GLIS3: variants seen among roughly 807,000 people sequenced by gnomAD.
GLIS3 encodes GLIS family zinc finger 3.
In GLIS3, 53 loss-of-function variants were observed where a neutral mutation model predicts 78.6. The observed-to-expected ratio is 0.67, with a 90% CI of 0.54 to 0.85. GLIS3 has a LOEUF of 0.85. Ranked by LOEUF, GLIS3 falls within the 40% of genes least tolerant of loss-of-function variation. GLIS3 has a pLI of 0.00. For synonymous variants in GLIS3, 684 were observed against 509.9 expected (o/e 1.34, Z -4.60); for missense variants, 1,703 against 1,231.1 (o/e 1.38, Z -5.74).
At chr9:4,349,224 G>A (rs1276954563), upstream of GLIS3, among the ~76,000 whole-genome samples, 1 of 152,162 alleles carries the variant, frequency 6.6e-6, no homozygotes, top group African/African-American at 2.4e-5. Flanking sequence ...GTTTATGATA[G>A]GTGTTGTCAG....
At chr9:4,267,750 A>G (rs1472324686) in intron 2 of GLIS3, among the ~76,000 whole-genome samples, 3 of 152,218 alleles carry the variant, frequency 2.0e-5, no homozygotes, top group African/African-American at 7.2e-5. Context: ...CAGCTTCCTC[A>G]TTTTACAAAG....
chr9:3,867,734 C>CGTGT (rs925289052), intron 8 of GLIS3, among the ~76,000 whole-genome samples: 3,809 of 14,928 alleles, frequency 0.26, 158 homozygotes, highest in African/African-American at 0.4. Flanking sequence ...TGTGTGCGTG[C>CGTGT]GTGTGTGTGT....
In GLIS3 at chr9:4,321,293, G is replaced by C. The variant is rs1212197465; in HGVS notation, n.265-10765C>G. 1.7e-4 allele frequency among the ~76,000 whole-genome samples: 22 copies of C among 129,996 alleles called. 4 individuals are homozygous for C. The East Asian group carries it at 4.5e-3, about 27-fold the overall frequency. The allele number at this position is 129,996 out of a possible 152,430, so 85.3% of individuals were successfully genotyped here. On this transcript the variant is annotated intron_variant and non_coding_transcript_variant, in intron 2 of 4. Coordinates refer to the GLIS3 transcript ENST00000471664. ...AAAAATTAGCCGGGAGTGGTGGCGG[G>C]CGCCTGTAGTCCCAGCTACTCGGGA...
chr9:4,332,702 C>G (rs1452338909), intron 2 of GLIS3, among the ~76,000 whole-genome samples: 2 of 152,192 alleles, frequency 1.3e-5, no homozygotes, highest in East Asian at 1.9e-4. Context: ...AATCTTTGAG[C>G]TATTGTAGCT....
the GLIS3 span, among the ~76,000 whole-genome samples, chr9:4,488,361 G>C: frequency 6.6e-6 from 1 of 152,014 alleles, no homozygotes; most frequent in Non-Finnish European, 1.5e-5. Flanking sequence ...GCCATCCCAT[G>C]CTGTTAAAAA....
At chr9:3,858,421 T>C (rs1283518270) in intron 8 of GLIS3, among the ~76,000 whole-genome samples, 4 of 152,154 alleles carry the variant, frequency 2.6e-5, no homozygotes, top group Non-Finnish European at 4.4e-5. Flanking sequence ...AATAATATCA[T>C]TGAATAAAGA....
intron 7 of GLIS3, among the ~76,000 whole-genome samples, chr9:3,889,544 T>A (rs1176746013): frequency 6.6e-6 from 1 of 152,218 alleles, no homozygotes; most frequent in Non-Finnish European, 1.5e-5. Context: ...ATGTATTACA[T>A]GATCCTAAAC....
At chr9:4,198,660 T>C (rs532659954) in intron 2 of GLIS3, among the ~76,000 whole-genome samples, 1 of 150,608 alleles carries the variant, frequency 6.6e-6, no homozygotes, top group Non-Finnish European at 1.5e-5. Context: ...TTCAAGAAAA[T>C]TTCCCCAATC....
At chr9:3,903,619 T>C (rs978336509) in intron 6 of GLIS3, among the ~76,000 whole-genome samples, 6 of 152,326 alleles carry the variant, frequency 3.9e-5, no homozygotes, top group South Asian at 2.1e-4. Flanking sequence ...CTCAACCATA[T>C]GCCAGGCACT....
intron 1 of GLIS3, among the ~76,000 whole-genome samples, chr9:4,287,059 C>A (rs1828062549): frequency 6.6e-6 from 1 of 152,124 alleles, no homozygotes; most frequent in South Asian, 2.1e-4. Flanking sequence ...AACACCTAGG[C>A]CTGGGAATAC....
At chr9:4,074,651 C>A (rs564563985) in intron 4 of GLIS3, among the ~76,000 whole-genome samples, 54 of 152,162 alleles carry the variant, frequency 3.5e-4, no homozygotes, top group Non-Finnish European at 7.1e-4. Flanking sequence ...GATTTGGAAA[C>A]TCCATCACTA....
intron 6 of GLIS3, among the ~76,000 whole-genome samples, chr9:3,909,731 G>C (rs1824001037): frequency 2.0e-5 from 3 of 152,122 alleles, no homozygotes; most frequent in Non-Finnish European, 2.9e-5. Flanking sequence ...TATGGAAATT[G>C]TTCAAAGAAA....
the GLIS3 span, among the ~76,000 whole-genome samples, chr9:4,465,273 C>G: frequency 6.6e-6 from 1 of 152,258 alleles, no homozygotes; most frequent in Admixed American, 6.5e-5. Context: ...ATAGGCCGGG[C>G]ACGGTGGCTT....
intron 2 of GLIS3, 97 bp from the exon 3 acceptor site, chr9:4,126,038 G>A (rs2130914488): frequency 2.2e-6 from 2 of 923,724 alleles, no homozygotes; most frequent in South Asian, 2.8e-5. Context: ...CATCTTTAGA[G>A]ACAGTCCTCA....
chr9:3,889,399 A>G (rs563369692), intron 7 of GLIS3, among the ~76,000 whole-genome samples: 8 of 152,334 alleles, frequency 5.3e-5, no homozygotes, highest in East Asian at 1.9e-4. Context: ...GATGCCTTCA[A>G]TGGAAACAGC....
At chr9:4,133,551 T>C (rs964271290) in intron 2 of GLIS3, among the ~76,000 whole-genome samples, 1 of 152,110 alleles carries the variant, frequency 6.6e-6, no homozygotes, top group South Asian at 2.1e-4. Context: ...GCTCCACCAC[T>C]GACTAGCTGT....
At chr9:3,908,083 A>C (rs566907943) in intron 6 of GLIS3, among the ~76,000 whole-genome samples, 292 of 152,346 alleles carry the variant, frequency 1.9e-3, no homozygotes, top group African/African-American at 6.7e-3. Context: ...AGACTAAATT[A>C]AAACTAAGAC....
intron 4 of GLIS3, among the ~76,000 whole-genome samples, chr9:4,102,137 A>G (rs994442033): frequency 2.0e-5 from 3 of 152,310 alleles, no homozygotes; most frequent in Admixed American, 6.5e-5. Context: ...AGACACAACC[A>G]TTCTTCTAAG....
chr9:3,947,343 G>A (rs1816372704), intron 4 of GLIS3, among the ~76,000 whole-genome samples: 1 of 152,186 alleles, frequency 6.6e-6, no homozygotes. Flanking sequence ...GTCATCTCTT[G>A]ACTGAGAAAC....
Sources: allele counts gnomAD v4.1 joint callset (sites outside exome capture counted in the v4.1 genomes callset), GRCh38; gene constraint gnomAD v4.1.1; transcripts MANE v1.5; gene names NCBI Gene and HGNC (gene_info 2026-07-23, HGNC 2026-07-21).